The following WWP1 variants were observed in gnomAD, a reference collection of about 807,000 sequenced individuals.
WWP1 encodes NEDD4-like E3 ubiquitin-protein ligase WWP1.
Under a neutral mutation model 130.6 loss-of-function variants are expected in WWP1, and 49 were observed. The observed-to-expected ratio is 0.38, with a 90% CI of 0.30 to 0.48. The LOEUF is 0.48. WWP1 is among the 20% of genes least tolerant of loss of function. The pLI is 0.99. For synonymous variants in WWP1, 332 were observed against 367.8 expected (o/e 0.90, Z 1.11); for missense variants, 809 against 1,100.6 (o/e 0.74, Z 3.75).
Position 86,430,798 on chromosome 8 carries a change from C to CATATAT in WWP1, c.1387+76_1387+81dup, listed in dbSNP as rs36226595. On this transcript the variant is annotated intron_variant, in intron 12 of 24. Transcript: ENST00000517970. Reference sequence around the variant, plus strand: ...TCTATAAGGGAGATATATATCTCTCCATATATATATATATATATATATATA... The same window carrying CATATAT: ...TCTATAAGGGAGATATATATCTCTCCATATATATATATATATATATATATATATATA... 2.6e-3 allele frequency: 521 copies of CATATAT among 201,896 alleles called. 1 individual carries two copies. Among genetic ancestry groups the CATATAT allele is most frequent in the South Asian group, 3.8e-3 (27 of 7,134 alleles). The allele number at this position is 201,896 out of a possible 1,614,324, so 12.5% of individuals were successfully genotyped here. A position where few individuals can be genotyped will look rare whatever the true frequency, so the allele number is the denominator to read the frequency against.
intron 21 of WWP1, among the ~76,000 whole-genome samples, chr8:86,454,656 C>T (rs1269994224): frequency 6.6e-6 from 1 of 152,002 alleles, no homozygotes; most frequent in Non-Finnish European, 1.5e-5. Flanking sequence ...GTTAGAGGTG[C>T]ACTCAGAGAG....
At chr8:86,407,221 C>A (rs993244176) in intron 8 of WWP1, among the ~76,000 whole-genome samples, 30 of 152,098 alleles carry the variant, frequency 2.0e-4, no homozygotes, top group African/African-American at 6.8e-4. Flanking sequence ...AGGAGCCTAC[C>A]ATCCTGTCCT....
chr8:86,347,605 G>A (rs1822659850), intron 1 of WWP1, among the ~76,000 whole-genome samples: 1 of 152,162 alleles, frequency 6.6e-6, no homozygotes, highest in Non-Finnish European at 1.5e-5. Flanking sequence ...ATTGGTAGGT[G>A]ATATTTAAAT....
chr8:86,410,449 C>G (rs1223516604), intron 8 of WWP1, among the ~76,000 whole-genome samples: 1 of 151,982 alleles, frequency 6.6e-6, no homozygotes, highest in Non-Finnish European at 1.5e-5. Context: ...TTATATTAAA[C>G]ATGTTTTCTT....
Position 86,402,062 on chromosome 8 carries a change from A to G in WWP1, c.583A>G (p.Thr195Ala), listed in dbSNP as rs777972060. 8 of 1,613,574 alleles carry G rather than the reference A, an allele frequency of 5.0e-6. No homozygotes were observed. In the Admixed American group the frequency reaches 8.3e-5, roughly 17 times the overall value. The change falls in exon 8 of 25, where the codon ACA becomes GCA. Residue 195 changes from threonine to alanine, a missense_variant. Thr to Ala is a moderately conservative substitution (Grantham distance 58). Coordinates refer to ENST00000517970, the MANE Select transcript of WWP1 (RefSeq NM_007013.4). ...GTNGIDNHVP[T>A]STLVQNSCCS... ...GAATGGAATAGATAATCATGTACCTACAAGCACTCTAGTCCAAAACTCATG... is the reference window on the plus strand; with the variant it reads ...GAATGGAATAGATAATCATGTACCTGCAAGCACTCTAGTCCAAAACTCATG...
At chr8:86,356,631 T>C (rs1823275720) in intron 1 of WWP1, among the ~76,000 whole-genome samples, 1 of 152,190 alleles carries the variant, frequency 6.6e-6, no homozygotes, top group South Asian at 2.1e-4. Flanking sequence ...GAAAGCCCTA[T>C]GTTTTTGTCT....
chr8:86,360,618 T>C (rs1260067578), intron 1 of WWP1, among the ~76,000 whole-genome samples: 3 of 152,194 alleles, frequency 2.0e-5, no homozygotes, highest in African/African-American at 7.2e-5. Flanking sequence ...TATATCTCTT[T>C]GCTGTGCTGT....
chr8:86,393,316 C>T (rs1298359560), intron 5 of WWP1, among the ~76,000 whole-genome samples: 1 of 152,070 alleles, frequency 6.6e-6, no homozygotes, highest in Admixed American at 6.5e-5. Flanking sequence ...AAGCGATTCT[C>T]CTTGCCTCAA....
At chr8:86,388,905 ACTTCT>A (rs1825443563) in intron 5 of WWP1, among the ~76,000 whole-genome samples, 2 of 152,094 alleles carry the variant, frequency 1.3e-5, no homozygotes, top group African/African-American at 4.8e-5. Flanking sequence ...CAGCCAGTAG[ACTTCT>A]CTTTTCTTAT....
intron 4 of WWP1, 77 bp from the exon 5 acceptor site, chr8:86,381,428 T>C: frequency 6.7e-7 from 1 of 1,491,768 alleles, no homozygotes; most frequent in South Asian, 1.3e-5. Flanking sequence ...AAATAAATGC[T>C]TTAATAGGAA....
chr8:86,391,048 T>C (rs2130437678), intron 5 of WWP1, among the ~76,000 whole-genome samples: 1 of 152,270 alleles, frequency 6.6e-6, no homozygotes, highest in South Asian at 2.1e-4. Flanking sequence ...TGGTATGTGT[T>C]ATTACAGCCA....
chr8:86,431,055 G>A (rs1809937939), intron 12 of WWP1, among the ~76,000 whole-genome samples: 1 of 129,920 alleles, frequency 7.7e-6, no homozygotes, highest in African/African-American at 3.0e-5. Context: ...ATATTATAAG[G>A]GATATATATA....
chr8:86,355,382 ACT>A (rs1388758920), intron 1 of WWP1, among the ~76,000 whole-genome samples: 1 of 152,036 alleles, frequency 6.6e-6, no homozygotes, highest in African/African-American at 2.4e-5. Flanking sequence ...CAGCTCCATG[ACT>A]CTGCTTTGTG....
intron 16 of WWP1, among the ~76,000 whole-genome samples, 186 bp downstream of exon 16, chr8:86,435,890 G>T (rs1198617206): frequency 6.6e-6 from 1 of 152,046 alleles, no homozygotes; most frequent in Non-Finnish European, 1.5e-5. Flanking sequence ...AATAGAGATG[G>T]AATTTCGCCA....
intron 7 of WWP1, among the ~76,000 whole-genome samples, chr8:86,399,699 A>G (rs1807864538): frequency 6.6e-6 from 1 of 152,154 alleles, no homozygotes. Flanking sequence ...ATTACTACCA[A>G]ATGTTGTCAA....
intron 9 of WWP1, among the ~76,000 whole-genome samples, chr8:86,413,367 A>G (rs2130576483): frequency 6.6e-6 from 1 of 152,292 alleles, no homozygotes; most frequent in Middle Eastern, 3.4e-3. Context: ...CTTACTGTCA[A>G]GAACCTCATC....
At position 86,380,833 on chromosome 8, in the gene WWP1, T is replaced by G. The variant is rs779336984; in HGVS notation, c.178T>G (p.Ser60Ala). The G allele has an allele frequency of 8.5e-5, 137 of 1,612,818 alleles. No homozygotes were observed. The highest frequency in any genetic ancestry group is 1.6e-4 in the Middle Eastern group (1 of 6,080). The change falls in exon 4 of 25, where the codon TCT becomes GCT. Residue 60 changes from serine to alanine, a missense_variant. Transcript: ENST00000517970. ...GAAAACAGCAAAATCCAGTAGTTCTTCTAATCCAAAATGGGATGAACAGCT... is the reference window on the plus strand; with the variant it reads ...GAAAACAGCAAAATCCAGTAGTTCTGCTAATCCAAAATGGGATGAACAGCT... ...ITKTAKSSSS[S>A]NPKWDEQLTV... is the part of the protein sequence containing the mutation.
At chr8:86,462,012 A>G (rs1312800257) in intron 24 of WWP1, among the ~76,000 whole-genome samples, 166 bp downstream of exon 24, 4 of 152,262 alleles carry the variant, frequency 2.6e-5, no homozygotes, top group Non-Finnish European at 5.9e-5. Context: ...ACACTTTAGC[A>G]TGTTCTCATT....
intron 1 of WWP1, among the ~76,000 whole-genome samples, chr8:86,345,808 A>G (rs1413051656): frequency 5.3e-5 from 8 of 152,266 alleles, no homozygotes; most frequent in South Asian, 4.1e-4. Flanking sequence ...CAGAAACACA[A>G]TATTACATTT....
Sources: allele counts gnomAD v4.1 joint callset (sites outside exome capture counted in the v4.1 genomes callset), GRCh38; gene constraint gnomAD v4.1.1; transcripts MANE v1.5; gene names NCBI Gene and HGNC (gene_info 2026-07-23, HGNC 2026-07-21).